Variants in DACH1 observed in about 807,000 individuals in gnomAD.
DACH1 encodes the protein dachshund homolog 1.
A neutral mutation model predicts 54.2 loss-of-function variants in DACH1; 12 were observed. The observed-to-expected ratio is 0.22, with a 90% CI of 0.14 to 0.36. The LOEUF (loss-of-function observed/expected upper bound fraction) is 0.36. DACH1 is among the 10% of genes least tolerant of loss of function. The pLI, the probability that DACH1 is intolerant of heterozygous loss-of-function variation, is 1.00. For synonymous variants in DACH1, 386 were observed against 366.2 expected, an observed-to-expected ratio of 1.05 and a Z score of -0.62; for missense variants, 805 against 929.8, an observed-to-expected ratio of 0.87 and a Z score of 1.75.
Position 71,479,280 on chromosome 13 carries a change from G to C in DACH1, c.1759C>G (p.Gln587Glu). Reference protein sequence around the residue: ...LKVAIDNARAQEKQVQLEKTE... With the variant: ...LKVAIDNARAEEKQVQLEKTE... ...TTTTCCAGTTGGACCTGTTTCTCTT[G>C]AGCTCTGGCATTATCTATGGCAACT... The change falls in exon 8 of 11, where the codon CAA becomes GAA. Residue 587 changes from glutamine to glutamate, a missense_variant. By Grantham distance (29) the Gln-to-Glu change is conservative. Transcript: ENST00000613252. The C allele has an allele frequency of 2.5e-6, 4 of 1,613,258 alleles. No individual in the cohort carries two copies. The highest frequency in any genetic ancestry group is 3.4e-6 in the Non-Finnish European group (4 of 1,179,692).
In DACH1 at chr13:71,573,830, G is replaced by A. The variant is rs369243989; in HGVS notation, c.1127-818C>T. ...CTAGTGGTGGAGTCTAATACTGTTC[G>A]GCTATCCAGCTTAATATGAAATGGT... On this transcript the variant is annotated intron_variant, in intron 3 of 10. Transcript: ENST00000613252. Among the ~76,000 whole-genome samples, 105 of 151,942 alleles carry A rather than the reference G, an allele frequency of 6.9e-4. 1 individual carries two copies. Among genetic ancestry groups the A allele is most frequent in the South Asian group, 6.9e-3 (33 of 4,814 alleles).
intron 1 of DACH1, among the ~76,000 whole-genome samples, chr13:71,838,508 A>G (rs1888884714): frequency 6.6e-6 from 1 of 152,218 alleles, no homozygotes; most frequent in Admixed American, 6.5e-5. Context: ...TACTACATAG[A>G]ATTGTTAAGA....
At chr13:71,585,614 A>G (rs923720851) in intron 3 of DACH1, among the ~76,000 whole-genome samples, 3 of 152,250 alleles carry the variant, frequency 2.0e-5, no homozygotes, top group South Asian at 4.1e-4. Flanking sequence ...GGGTACCTCA[A>G]TTGACTAGAG....
intron 1 of DACH1, among the ~76,000 whole-genome samples, chr13:71,862,031 G>T (rs573465224): frequency 2.6e-5 from 4 of 151,594 alleles, no homozygotes; most frequent in African/African-American, 9.7e-5. Context: ...TCCATGGATG[G>T]TATTTTAAGA....
intron 6 of DACH1, among the ~76,000 whole-genome samples, chr13:71,521,317 T>G (rs995476706): frequency 6.6e-6 from 1 of 151,978 alleles, no homozygotes; most frequent in Non-Finnish European, 1.5e-5. Flanking sequence ...ATATTTTTCT[T>G]TCTGTCCCCT....
At chr13:71,691,669 T>G (rs563490019) in intron 1 of DACH1, among the ~76,000 whole-genome samples, 1 of 152,104 alleles carries the variant, frequency 6.6e-6, no homozygotes, top group South Asian at 2.1e-4. Flanking sequence ...CTGAGCACAG[T>G]GTAATACTAC....
rs1311029097 is a variant in DACH1 at position 71,475,863 on chromosome 13, T to C, written c.1871-14A>G. Reference sequence around the variant, plus strand: ...TTTGAACTATGGCTAAAAAAGAGTGTATGCATATTATTATTATTATTTTTA... The same window carrying C: ...TTTGAACTATGGCTAAAAAAGAGTGCATGCATATTATTATTATTATTTTTA... On this transcript the variant is annotated splice_polypyrimidine_tract_variant and intron_variant, in intron 8 of 10. Coordinates refer to ENST00000613252, the MANE Select transcript of DACH1 (RefSeq NM_080759.6). 1.2e-5 allele frequency: 18 copies of C among 1,515,758 alleles called. No individual in the cohort carries two copies. Among genetic ancestry groups the C allele is most frequent in the Non-Finnish European group, 1.6e-5 (18 of 1,134,300 alleles). The allele number at this position is 1,515,758 out of a possible 1,614,324, so 93.9% of individuals were successfully genotyped here.
At chr13:71,729,838 C>G (rs1414110922) in intron 1 of DACH1, among the ~76,000 whole-genome samples, 1 of 152,010 alleles carries the variant, frequency 6.6e-6, no homozygotes, top group Admixed American at 6.5e-5. Flanking sequence ...ATAAGCCAAG[C>G]CTGATGGGCA....
At chr13:71,501,697 C>T (rs1879927359) in intron 6 of DACH1, among the ~76,000 whole-genome samples, 2 of 152,142 alleles carry the variant, frequency 1.3e-5, no homozygotes, top group African/African-American at 4.8e-5. Context: ...GAATACTACT[C>T]AGTAAAGATT....
At chr13:71,712,579 T>G (rs1198921270) in intron 1 of DACH1, among the ~76,000 whole-genome samples, 1 of 152,158 alleles carries the variant, frequency 6.6e-6, no homozygotes, top group African/African-American at 2.4e-5. Flanking sequence ...GGATTTTAAA[T>G]TGGTTTGAAT....
At chr13:71,725,364 A>G (rs1480224976) in intron 1 of DACH1, among the ~76,000 whole-genome samples, 4 of 152,250 alleles carry the variant, frequency 2.6e-5, no homozygotes, top group Non-Finnish European at 5.9e-5. Flanking sequence ...TTCTACTTCT[A>G]AAACTCCTCT....
chr13:71,689,206 C>A (rs984912527), intron 1 of DACH1, among the ~76,000 whole-genome samples: 1 of 152,054 alleles, frequency 6.6e-6, no homozygotes, highest in Non-Finnish European at 1.5e-5. Flanking sequence ...AGAATTATTC[C>A]CCAAAAGTTA....
chr13:71,684,807 G>A (rs895543118), intron 1 of DACH1, among the ~76,000 whole-genome samples: 1 of 151,924 alleles, frequency 6.6e-6, no homozygotes, highest in African/African-American at 2.4e-5. Context: ...AACCCTATTC[G>A]TAAAGCCATT....
intron 1 of DACH1, among the ~76,000 whole-genome samples, chr13:71,764,603 G>A (rs1885538705): frequency 6.6e-6 from 1 of 152,186 alleles, no homozygotes; most frequent in African/African-American, 2.4e-5. Context: ...GTCTTGGGAT[G>A]TAGTTCACTA....
At chr13:71,760,582 G>T (rs1376665836) in intron 1 of DACH1, among the ~76,000 whole-genome samples, 3 of 152,114 alleles carry the variant, frequency 2.0e-5, no homozygotes, top group Non-Finnish European at 4.4e-5. Context: ...AGAACTCAAA[G>T]TGGCAATGTC....
chr13:71,533,719 ATCTC>A (rs1255620411), intron 6 of DACH1, among the ~76,000 whole-genome samples: 1 of 151,034 alleles, frequency 6.6e-6, no homozygotes, highest in East Asian at 1.9e-4. Context: ...CTCTCTGTCT[ATCTC>A]TCTGTCTCAT....
At chr13:71,778,824 C>T (rs1886185656) in intron 1 of DACH1, among the ~76,000 whole-genome samples, 1 of 151,706 alleles carries the variant, frequency 6.6e-6, no homozygotes, top group African/African-American at 2.4e-5. Context: ...AATTGTTACC[C>T]TAGGAGAAAC....
At chr13:71,604,902 T>C (rs1379369267) in intron 3 of DACH1, among the ~76,000 whole-genome samples, 1 of 151,940 alleles carries the variant, frequency 6.6e-6, no homozygotes, top group Admixed American at 6.6e-5. Flanking sequence ...AACACCTCCT[T>C]TGGTCTCATT....
chr13:71,512,657 C>T (rs2138261178), intron 6 of DACH1, among the ~76,000 whole-genome samples: 1 of 151,978 alleles, frequency 6.6e-6, no homozygotes, highest in South Asian at 2.1e-4. Flanking sequence ...AGATCCTGAA[C>T]ATATCAAACT....
Sources: allele counts gnomAD v4.1 joint callset (sites outside exome capture counted in the v4.1 genomes callset), GRCh38; gene constraint gnomAD v4.1.1; transcripts MANE v1.5; gene names NCBI Gene and HGNC (gene_info 2026-07-23, HGNC 2026-07-21).